The following SLC9A1 variants were observed in gnomAD, a reference collection of about 807,000 sequenced individuals.
The protein encoded by SLC9A1 is solute carrier family 9 member A1.
In SLC9A1, 22 loss-of-function variants were observed where a neutral mutation model predicts 67.9. The ratio of observed to expected loss-of-function variants is 0.32; its 90% confidence interval spans 0.23 to 0.46. The LOEUF (loss-of-function observed/expected upper bound fraction) is 0.46, where lower values mean the gene tolerates loss of function less well. Among genes scored for constraint, SLC9A1 ranks in the 20% least tolerant of loss-of-function variants. SLC9A1 has a pLI of 1.00. For missense variants in SLC9A1, 686 were observed against 1,094.8 expected (o/e 0.63, Z 5.27); for synonymous variants, 421 against 471.8 (o/e 0.89, Z 1.40).
chr1:27,140,661 T>C (rs750020717), intron 1 of SLC9A1, among the ~76,000 whole-genome samples: 2 of 152,164 alleles, frequency 1.3e-5, no homozygotes, highest in Non-Finnish European at 2.9e-5. Flanking sequence ...ACCTAGCACT[T>C]ATCATAGCTG....
chr1:27,102,164 A>G (rs1283563903), intron 8 of SLC9A1, 34 bp from the exon 9 acceptor site: 3 of 1,556,654 alleles, frequency 1.9e-6, no homozygotes. Flanking sequence ...GGTCCCCAAG[A>G]TTCTTGGGAT....
At chr1:27,136,833 C>T (rs1423732542) in intron 1 of SLC9A1, among the ~76,000 whole-genome samples, 2 of 152,234 alleles carry the variant, frequency 1.3e-5, no homozygotes, top group African/African-American at 4.8e-5. Context: ...CATCTAGTCC[C>T]TTCTCCATCA....
In SLC9A1 at chr1:27,106,726, G is replaced by A. The variant is rs1486500615; in HGVS notation, c.1283-639C>T. Among the ~76,000 whole-genome samples the A allele has an allele frequency of 2.0e-5, 3 of 152,006 alleles. No homozygotes were observed. In the South Asian group the frequency reaches 6.2e-4, roughly 31 times the overall value. The stretch of plus-strand genomic sequence containing the variant: ...TGCACCTGGGGCCTGGTCCCCACGT[G>A]TGCCCCGGCCTGCTGCATAGGTTTG... On this transcript the variant is annotated intron_variant, in intron 4 of 11. Coordinates refer to ENST00000263980, the MANE Select transcript of SLC9A1 (RefSeq NM_003047.5). This position sits in a 1 kb window ranked among gnomAD's most constrained non-coding sequence, Gnocchi z 4.3.
intron 1 of SLC9A1, among the ~76,000 whole-genome samples, chr1:27,130,827 T>C (rs1358617910): frequency 6.6e-6 from 1 of 152,200 alleles, no homozygotes; most frequent in African/African-American, 2.4e-5. Flanking sequence ...CGGGCCTGGT[T>C]AACTGCTTCC....
intron 1 of SLC9A1, among the ~76,000 whole-genome samples, chr1:27,139,255 T>TA (rs1385069144): frequency 2.0e-5 from 3 of 152,142 alleles, no homozygotes; most frequent in Non-Finnish European, 4.4e-5. Context: ...CCCTCCCTCT[T>TA]AGAAGGGTCT....
intron 1 of SLC9A1, among the ~76,000 whole-genome samples, chr1:27,128,792 T>C (rs1179550992): frequency 1.3e-5 from 2 of 151,506 alleles, no homozygotes; most frequent in South Asian, 2.1e-4. Context: ...ACCCCATCTC[T>C]ATTAAAAATA....
chr1:27,120,686 C>T (rs1367104900), intron 1 of SLC9A1, among the ~76,000 whole-genome samples: 1 of 151,478 alleles, frequency 6.6e-6, no homozygotes, highest in African/African-American at 2.4e-5. Context: ...TGCAGTGAGC[C>T]GAGATCACAC....
At chr1:27,136,802 A>G (rs1175500860) in intron 1 of SLC9A1, among the ~76,000 whole-genome samples, 1 of 152,234 alleles carries the variant, frequency 6.6e-6, no homozygotes, top group Admixed American at 6.5e-5. Flanking sequence ...CCCAGAGCCA[A>G]GAACACTGGG....
At chr1:27,153,544 C>T (rs2083544785) in intron 1 of SLC9A1, among the ~76,000 whole-genome samples, 1 of 152,202 alleles carries the variant, frequency 6.6e-6, no homozygotes, top group African/African-American at 2.4e-5. Context: ...TATACTCCAT[C>T]CTGGAACACG....
chr1:27,100,144 A>C lies in SLC9A1; in HGVS notation c.*163T>G. ...GGGAGGATGCTTCCCGGGAGGCGGC[A>C]GGGGAGGAGCTGTGCTGGGGTGGGG... On this transcript the variant is annotated 3_prime_UTR_variant, in exon 12 of 12. Coordinates refer to ENST00000263980, the MANE Select transcript of SLC9A1 (RefSeq NM_003047.5). The surrounding 1 kb of genome is among the most constrained non-coding windows in gnomAD (Gnocchi z 5.6). 1 of 491,138 alleles carries C rather than the reference A, an allele frequency of 2.0e-6. No homozygotes were observed. The highest frequency in any genetic ancestry group is 3.3e-5 in the East Asian group (1 of 30,398). The allele number at this position is 491,138 out of a possible 1,614,324, so 30.4% of individuals were successfully genotyped here.
rs986656478 is a variant in SLC9A1 at position 27,148,110 on chromosome 1, C to T, written c.352+5873G>A. ...ATCTCAGGTATCTTAACCTTTCACC[C>T]CATCCTACATGTTTTCCATTGTAAT... is the stretch of plus-strand genomic sequence containing the variant. On this transcript the variant is annotated intron_variant, in intron 1 of 11. Coordinates refer to ENST00000263980, the MANE Select transcript of SLC9A1 (RefSeq NM_003047.5). Among the ~76,000 whole-genome samples the T allele has an allele frequency of 7.2e-5, 11 of 152,264 alleles. No homozygotes were observed. The East Asian group carries it at 1.4e-3, about 19-fold the overall frequency.
intron 2 of SLC9A1, among the ~76,000 whole-genome samples, chr1:27,111,716 G>C (rs2083229587): frequency 6.6e-6 from 1 of 152,114 alleles, no homozygotes; most frequent in African/African-American, 2.4e-5. Context: ...AGGCTAAGAG[G>C]GGATGATCAT....
chr1:27,115,744 A>C (rs981754259), intron 1 of SLC9A1, among the ~76,000 whole-genome samples: 7 of 152,080 alleles, frequency 4.6e-5, no homozygotes, highest in Non-Finnish European at 1.0e-4. Flanking sequence ...TCAAAAAAAA[A>C]AAAGAAAGAA....
chr1:27,144,230 T>G (rs1031384932), intron 1 of SLC9A1, among the ~76,000 whole-genome samples: 1 of 152,226 alleles, frequency 6.6e-6, no homozygotes, highest in African/African-American at 2.4e-5. Context: ...ACAGTCACAG[T>G]GCAGTTTACG....
intron 5 of SLC9A1, among the ~76,000 whole-genome samples, chr1:27,104,821 G>T (rs1042069216): frequency 6.6e-6 from 1 of 152,228 alleles, no homozygotes; most frequent in Admixed American, 6.5e-5. Context: ...CAGAAAGGAT[G>T]GTAAAGAAAT....
chr1:27,113,691 C>T, intron 2 of SLC9A1, 135 bp downstream of exon 2: 1 of 702,080 alleles, frequency 1.4e-6, no homozygotes, highest in Non-Finnish European at 2.4e-6. Context: ...CAGCATGGTG[C>T]CTGGCATACG....
chr1:27,125,402 C>T (rs184471271), intron 1 of SLC9A1, among the ~76,000 whole-genome samples: 5 of 151,090 alleles, frequency 3.3e-5, no homozygotes, highest in Non-Finnish European at 5.9e-5. Context: ...CATGCTACCA[C>T]ACCTGGCCAA....
chr1:27,147,689 T>C (rs1433455349), intron 1 of SLC9A1, among the ~76,000 whole-genome samples: 1 of 152,092 alleles, frequency 6.6e-6, no homozygotes, highest in Non-Finnish European at 1.5e-5. Context: ...TAAGTATCTA[T>C]ATTATCAATT....
At chr1:27,120,535 C>G (rs1257559904) in intron 1 of SLC9A1, among the ~76,000 whole-genome samples, 1 of 151,636 alleles carries the variant, frequency 6.6e-6, no homozygotes, top group Admixed American at 6.6e-5. Flanking sequence ...GTCAGGAGTT[C>G]TAGACCACAG....
Sources: gnomAD v4.1 joint callset for allele counts (sites outside exome capture counted in the v4.1 genomes callset) on GRCh38, gnomAD v4.1.1 for gene constraint, Gnocchi (gnomAD v3.1) non-coding constraint, MANE v1.5 for transcripts, NCBI Gene and HGNC (gene_info 2026-07-23, HGNC 2026-07-21) for gene names.